CAP2: variants seen among roughly 807,000 people sequenced by gnomAD.
CAP2 encodes the protein cyclase associated actin cytoskeleton regulatory protein 2.
A neutral mutation model predicts 57.7 loss-of-function variants in CAP2; 24 were observed. The observed-to-expected ratio is 0.42, with a 90% CI of 0.30 to 0.58. The LOEUF is 0.58. Among genes scored for constraint, CAP2 ranks in the 20% least tolerant of loss-of-function variants. CAP2 has a pLI of 0.22. For synonymous variants in CAP2, 194 were observed against 207.2 expected (o/e 0.94, Z 0.55); for missense variants, 501 against 590.3 (o/e 0.85, Z 1.57).
intron 7 of CAP2, among the ~76,000 whole-genome samples, chr6:17,528,920 A>T (rs1314859377): frequency 6.6e-6 from 1 of 152,188 alleles, no homozygotes; most frequent in African/African-American, 2.4e-5. Context: ...AAGTCTCAAA[A>T]TTCTAAGAAG....
intron 4 of CAP2, among the ~76,000 whole-genome samples, chr6:17,497,942 G>A (rs911984023): frequency 1.3e-5 from 2 of 152,180 alleles, no homozygotes; most frequent in Admixed American, 1.3e-4. Context: ...TAAGATTCAG[G>A]ATATGAGCTA....
intron 4 of CAP2, among the ~76,000 whole-genome samples, chr6:17,476,664 C>T (rs1015988034): frequency 9.9e-5 from 15 of 151,992 alleles, no homozygotes; most frequent in African/African-American, 3.6e-4. Flanking sequence ...TCTGCCATCT[C>T]CCAAGGCTTA....
rs1322327440 is a variant in CAP2 at position 17,556,650 on chromosome 6, G to C, written c.*208G>C. 3.9e-6 allele frequency: 2 copies of C among 519,432 alleles called. No homozygotes were observed. The highest frequency in any genetic ancestry group is 6.9e-6 in the Non-Finnish European group (2 of 289,874). 32.2% of individuals were successfully genotyped at this position (519,432 alleles called of 1,614,324 possible). ...TTCCTCATGATTTGCCTTTGTGTGT[G>C]ATTTTAGTTCCACATGATGACTTGT... On this transcript the variant is annotated 3_prime_UTR_variant, in exon 13 of 13. Coordinates refer to ENST00000229922, the MANE Select transcript of CAP2 (RefSeq NM_006366.3).
At chr6:17,468,729 G>GA (rs1760937240) in intron 4 of CAP2, among the ~76,000 whole-genome samples, 1 of 152,154 alleles carries the variant, frequency 6.6e-6, no homozygotes, top group Non-Finnish European at 1.5e-5. Flanking sequence ...TTCTCACATG[G>GA]AAAATGGCCA....
intron 4 of CAP2, among the ~76,000 whole-genome samples, chr6:17,470,336 G>C (rs9477447): frequency 0.016 from 2,471 of 152,262 alleles, 64 homozygotes; most frequent in African/African-American, 0.056. Flanking sequence ...ATCTCAAAGG[G>C]TTATTGTGAG....
At chr6:17,543,832 T>C (rs549126268) in intron 11 of CAP2, among the ~76,000 whole-genome samples, 2 of 151,624 alleles carry the variant, frequency 1.3e-5, no homozygotes, top group East Asian at 4.0e-4. Context: ...CAATTTCAAG[T>C]ACAGCTAACT....
chr6:17,480,563 A>G (rs1197256548), intron 4 of CAP2, among the ~76,000 whole-genome samples: 5 of 152,102 alleles, frequency 3.3e-5, no homozygotes, highest in African/African-American at 1.2e-4. Flanking sequence ...CTGCATAGGG[A>G]TTGGGGAGTT....
chr6:17,405,107 G>A (rs575404666), intron 1 of CAP2, among the ~76,000 whole-genome samples: 14 of 152,164 alleles, frequency 9.2e-5, no homozygotes, highest in Admixed American at 1.3e-4. Flanking sequence ...ATAAGGCCGG[G>A]TGTAGTGGGG....
At chr6:17,474,173 G>GA (rs1431926524) in intron 4 of CAP2, among the ~76,000 whole-genome samples, 2 of 137,244 alleles carry the variant, frequency 1.5e-5, no homozygotes, top group African/African-American at 5.4e-5. Flanking sequence ...CAAGACAGAG[G>GA]AAAAAAACAG....
At chr6:17,539,544 A>G in intron 8 of CAP2, 86 bp downstream of exon 8, 1 of 985,698 alleles carries the variant, frequency 1.0e-6, no homozygotes, top group South Asian at 1.6e-5. Context: ...CCAGTGATGG[A>G]TACATCACTC....
rs139737796 is a variant in CAP2, at chr6:17,507,730, C to T, written c.530+4C>T. ...TCTTAAAGGACTACAAACACAGGTA[C>T]GTACCTTCCTTTACTCACCAAATTT... On this transcript the variant is annotated splice_donor_region_variant and intron_variant, in intron 6 of 12. Coordinates refer to ENST00000229922, the MANE Select transcript of CAP2 (RefSeq NM_006366.3). The T allele has an allele frequency of 5.8e-6, 9 of 1,545,590 alleles. No individual in the cohort carries two copies. In the East Asian group the frequency reaches 9.0e-5, roughly 15 times the overall value.
At chr6:17,432,479 T>C (rs913809637) in intron 3 of CAP2, among the ~76,000 whole-genome samples, 3 of 152,210 alleles carry the variant, frequency 2.0e-5, no homozygotes, top group Non-Finnish European at 4.4e-5. Flanking sequence ...TTAATTTTTA[T>C]TACCACTAGA....
chr6:17,453,536 C>T (rs1352832671), intron 3 of CAP2, among the ~76,000 whole-genome samples: 2 of 152,172 alleles, frequency 1.3e-5, no homozygotes, highest in African/African-American at 2.4e-5. Flanking sequence ...CCACAGTGAA[C>T]GGAATCCTTA....
At chr6:17,496,395 C>G (rs949962323) in intron 4 of CAP2, among the ~76,000 whole-genome samples, 8 of 152,208 alleles carry the variant, frequency 5.3e-5, no homozygotes, top group Non-Finnish European at 1.0e-4. Context: ...GCAGAAGCCT[C>G]CCAACCCTGT....
chr6:17,483,551 T>C (rs571759011), intron 4 of CAP2, among the ~76,000 whole-genome samples: 1 of 152,298 alleles, frequency 6.6e-6, no homozygotes, highest in East Asian at 1.9e-4. Context: ...TGGACTGGGA[T>C]TCATTCTTAC....
chr6:17,458,012 A>G (rs1760622082), intron 3 of CAP2, among the ~76,000 whole-genome samples: 1 of 152,194 alleles, frequency 6.6e-6, no homozygotes, highest in South Asian at 2.1e-4. Context: ...GGAAAAGTGC[A>G]CTTATTTTAT....
Position 17,513,984 on chromosome 6 carries a change from A to G in CAP2, c.636+30A>G. Reference sequence around the variant, plus strand: ...GTACGAGGCCTTCCTCCACGTGTGTAAAAAAAGGCCATGACTATATATACA... The same window carrying G: ...GTACGAGGCCTTCCTCCACGTGTGTGAAAAAAGGCCATGACTATATATACA... On this transcript the variant is annotated intron_variant, in intron 7 of 12. Transcript: ENST00000229922. The surrounding 1 kb of genome is among the most constrained non-coding windows in gnomAD (Gnocchi z 4.3). 7.5e-7 allele frequency: 1 copy of G among 1,328,180 alleles called. No homozygotes were observed. The highest frequency in any genetic ancestry group is 1.2e-5 in the South Asian group (1 of 85,070). 82.3% of individuals were successfully genotyped at this position (1,328,180 alleles called of 1,614,324 possible). A position where few individuals can be genotyped will look rare whatever the true frequency, so the allele number is the denominator to read the frequency against.
chr6:17,462,152 G>A (rs1170049042), intron 3 of CAP2, among the ~76,000 whole-genome samples: 2 of 151,968 alleles, frequency 1.3e-5, no homozygotes, highest in African/African-American at 4.8e-5. Context: ...TCTCCTTGTG[G>A]GGTGTTGAGT....
intron 7 of CAP2, among the ~76,000 whole-genome samples, chr6:17,536,993 A>G (rs1448397425): frequency 6.6e-6 from 1 of 152,174 alleles, no homozygotes; most frequent in Non-Finnish European, 1.5e-5. Flanking sequence ...GACCTAAGAA[A>G]CCTGATGGAA....
Sources: allele counts gnomAD v4.1 joint callset (sites outside exome capture counted in the v4.1 genomes callset), GRCh38; gene constraint gnomAD v4.1.1; non-coding constraint Gnocchi (gnomAD v3.1); transcripts MANE v1.5; gene names NCBI Gene and HGNC (gene_info 2026-07-23, HGNC 2026-07-21).